The following SERGEF variants were observed in gnomAD, a reference collection of about 807,000 sequenced individuals.
SERGEF encodes secretion-regulating guanine nucleotide exchange factor.
SERGEF carries 51 observed loss-of-function variants against 50.0 expected under a neutral mutation model. The observed-to-expected ratio is 1.02, with a 90% CI of 0.81 to 1.29. The LOEUF is 1.29. SERGEF is among the 50% of genes most tolerant of loss of function. The pLI is 0.00. For missense variants in SERGEF, 521 were observed against 557.0 expected, an observed-to-expected ratio of 0.94 and a Z score of 0.65; for synonymous variants, 205 against 212.4, an observed-to-expected ratio of 0.97 and a Z score of 0.30.
chr11:17,892,712 C>T (rs1349392535), intron 9 of SERGEF, among the ~76,000 whole-genome samples: 1 of 152,234 alleles, frequency 6.6e-6, no homozygotes, highest in East Asian at 1.9e-4. Context: ...TGCCCTGCAG[C>T]CCAAGACTAC....
chr11:17,920,328 T>G (rs1314001584), intron 9 of SERGEF, among the ~76,000 whole-genome samples: 1 of 152,182 alleles, frequency 6.6e-6, no homozygotes. Context: ...CACTTTTTTC[T>G]TCTTTTGATT....
intron 8 of SERGEF, among the ~76,000 whole-genome samples, chr11:17,973,793 G>A (rs371466050): frequency 5.9e-5 from 9 of 152,288 alleles, no homozygotes; most frequent in African/African-American, 2.2e-4. Context: ...ACTGAGCGGT[G>A]GACATGGTCA....
At chr11:17,981,643 G>A (rs1252420638) in intron 8 of SERGEF, among the ~76,000 whole-genome samples, 1 of 152,164 alleles carries the variant, frequency 6.6e-6, no homozygotes, top group Non-Finnish European at 1.5e-5. Context: ...TATGATTGCT[G>A]TTGTATTCTC....
chr11:17,998,436 CATACATATATATATATAT>C (rs61007481), intron 5 of SERGEF, among the ~76,000 whole-genome samples: 472 of 46,276 alleles, frequency 0.01, 23 homozygotes, highest in African/African-American at 0.025. Flanking sequence ...TACATACATA[CATACATATATATATATAT>C]ATATATATAT....
At chr11:17,858,042 G>A (rs779385771) in intron 10 of SERGEF, among the ~76,000 whole-genome samples, 1 of 152,164 alleles carries the variant, frequency 6.6e-6, no homozygotes, top group Non-Finnish European at 1.5e-5. Flanking sequence ...CTGCTGCAGG[G>A]AACAGTGAGA....
chr11:17,999,904 G>A (rs915767986), intron 5 of SERGEF, among the ~76,000 whole-genome samples: 3 of 152,110 alleles, frequency 2.0e-5, no homozygotes, highest in Admixed American at 1.3e-4. Context: ...AATGTAACTC[G>A]CATCACTTCC....
At chr11:17,941,334 T>C (rs1293980178) in intron 9 of SERGEF, among the ~76,000 whole-genome samples, 1 of 152,180 alleles carries the variant, frequency 6.6e-6, no homozygotes, top group African/African-American at 2.4e-5. Context: ...TCCAGAACTC[T>C]TTTCATCTTG....
intron 9 of SERGEF, among the ~76,000 whole-genome samples, chr11:17,912,950 G>A (rs1348625081): frequency 6.6e-6 from 1 of 152,218 alleles, no homozygotes; most frequent in East Asian, 1.9e-4. Context: ...TAGGACTGCT[G>A]TGAGATTCCA....
intron 10 of SERGEF, among the ~76,000 whole-genome samples, chr11:17,835,016 G>A (rs985852254): frequency 1.3e-5 from 2 of 152,176 alleles, no homozygotes; most frequent in African/African-American, 4.8e-5. Context: ...TGGGAAAGTG[G>A]ATGATCCCAT....
At chr11:17,873,203 C>A (rs1160079544) in intron 10 of SERGEF, among the ~76,000 whole-genome samples, 1 of 152,310 alleles carries the variant, frequency 6.6e-6, no homozygotes, top group African/African-American at 2.4e-5. Flanking sequence ...AAAGACCTAA[C>A]ACACAAATTC....
At chr11:17,791,798 T>C (rs1849488219) in intron 10 of SERGEF, among the ~76,000 whole-genome samples, 1 of 152,266 alleles carries the variant, frequency 6.6e-6, no homozygotes, top group Admixed American at 6.5e-5. Flanking sequence ...AAGTATAGTA[T>C]ATGCAAAAGA....
At chr11:17,936,343 A>G (rs1852451764) in intron 9 of SERGEF, among the ~76,000 whole-genome samples, 1 of 152,184 alleles carries the variant, frequency 6.6e-6, no homozygotes, top group African/African-American at 2.4e-5. Context: ...GGGCAGGGTA[A>G]GATATTCTCT....
At chr11:17,923,470 G>A (rs1339397980) in intron 9 of SERGEF, among the ~76,000 whole-genome samples, 2 of 152,186 alleles carry the variant, frequency 1.3e-5, no homozygotes, top group African/African-American at 2.4e-5. Flanking sequence ...CAAATGAGCT[G>A]AGCACAGGCA....
At chr11:17,808,308 G>A (rs763662286) in intron 10 of SERGEF, among the ~76,000 whole-genome samples, 7 of 152,216 alleles carry the variant, frequency 4.6e-5, no homozygotes, top group East Asian at 3.8e-4. Context: ...TACAGGAAGC[G>A]TGGTGCCAGC....
In SERGEF at chr11:17,788,327, G is replaced by T; in HGVS notation, c.1135C>A (p.Gln379Lys). 6.2e-7 allele frequency: 1 copy of T among 1,614,200 alleles called. No homozygotes were observed. The highest frequency in any genetic ancestry group is 1.1e-5 in the South Asian group (1 of 91,088). Residue 379 changes from glutamine (Q) to lysine (K), a missense_variant, in exon 11 of 11, where the codon CAG (glutamine) becomes AAG (lysine). Transcript: ENST00000265965. ...EANVWAPKPV[Q>K]ALLSSSGLLV... ...AGTCCTGACGATGACAGCAGAGCCTGCACCGGCTTTGGGGCCCAGACGTTG... is the reference window on the plus strand; with the variant it reads ...AGTCCTGACGATGACAGCAGAGCCTTCACCGGCTTTGGGGCCCAGACGTTG...
intron 10 of SERGEF, among the ~76,000 whole-genome samples, chr11:17,830,685 A>C (rs11024414): frequency 0.013 from 1,560 of 118,522 alleles, 54 homozygotes; most frequent in East Asian, 0.077. Flanking sequence ...AGAGAGAGAG[A>C]GAGCACATGT....
chr11:17,949,325 T>C (rs1249753109), intron 9 of SERGEF, among the ~76,000 whole-genome samples: 1 of 151,894 alleles, frequency 6.6e-6, no homozygotes, highest in African/African-American at 2.4e-5. Flanking sequence ...AAGTACCCAA[T>C]GGAGCCTGGC....
chr11:17,907,810 G>GATAGTTAACT (rs1851877934), intron 9 of SERGEF, among the ~76,000 whole-genome samples: 1 of 152,138 alleles, frequency 6.6e-6, no homozygotes. Flanking sequence ...AAGGGAAATT[G>GATAGTTAACT]ATAGTTAACT....
chr11:17,865,020 T>G (rs1030172930), intron 10 of SERGEF, among the ~76,000 whole-genome samples: 3 of 152,190 alleles, frequency 2.0e-5, no homozygotes, highest in African/African-American at 7.2e-5. Flanking sequence ...GATCGAAGAT[T>G]TAGATGCCAA....
Sources: allele counts gnomAD v4.1 joint callset (sites outside exome capture counted in the v4.1 genomes callset), GRCh38; gene constraint gnomAD v4.1.1; transcripts MANE v1.5; gene names NCBI Gene and HGNC (gene_info 2026-07-23, HGNC 2026-07-21).